FBRSL1: variants seen among roughly 807,000 people sequenced by gnomAD.
FBRSL1 encodes the protein fibrosin-1-like protein.
Under a neutral mutation model 89.6 loss-of-function variants are expected in FBRSL1, and 51 were observed. The ratio of observed to expected loss-of-function variants is 0.57; its 90% confidence interval spans 0.45 to 0.72. FBRSL1 has a LOEUF of 0.72. Ranked by LOEUF, FBRSL1 falls within the 30% of genes least tolerant of loss-of-function variation. The probability of loss-of-function intolerance (pLI) is 0.00; values close to 1 mark genes in which losing one functional copy is unlikely to be tolerated. For synonymous variants in FBRSL1, 779 were observed against 681.1 expected (o/e 1.14, Z -2.24); for missense variants, 1,618 against 1,451.8 (o/e 1.11, Z -1.86).
rs2030717417 is a variant in FBRSL1, at chr12:132,490,750, GCCCCGCACCGCGCGTC to G, written c.187_202del (p.Thr63AlafsTer35). 1.9e-6 allele frequency: 2 copies of G among 1,062,854 alleles called. No homozygotes were observed. Among genetic ancestry groups the G allele is most frequent in the Non-Finnish European group, 1.1e-6 (1 of 885,750 alleles). 65.8% of individuals were successfully genotyped at this position (1,062,854 alleles called of 1,614,324 possible). On this transcript the variant is annotated frameshift_variant, in exon 1 of 19. Transcript: ENST00000680143. ...CGCCCCCCCGAGGCGCCGCCCCCGC[GCCCCGCACCGCGCGTC>G]CCCCGCGCCGCCGCCGCCGCGAGTC... is the stretch of plus-strand genomic sequence containing the variant.
chr12:132,561,243 C>T (rs909858119), intron 5 of FBRSL1, among the ~76,000 whole-genome samples: 3 of 151,244 alleles, frequency 2.0e-5, no homozygotes, highest in African/African-American at 7.2e-5. Flanking sequence ...AGTGTAGGGC[C>T]CACTGTGGCG....
Position 132,582,259 on chromosome 12 carries a change from C to T in FBRSL1, c.2194C>T (p.Gln732Ter). The change falls in exon 18 of 19, where the codon CAG becomes TAG. Residue 732 changes from glutamine to a stop codon, truncating the protein, a stop_gained. Transcript: ENST00000680143. LOFTEE classifies it high-confidence loss of function. ...DREPDNGKEE[Q>*]ERDLLEKTRL... ...AGAGCCGGACAATGGCAAGGAGGAG[C>T]AGGAACGGTGAGTGGCCCTCTTGTT... The T allele has an allele frequency of 6.5e-7, 1 of 1,549,882 alleles. No individual in the cohort carries two copies. Among genetic ancestry groups the T allele is most frequent in the Non-Finnish European group, 8.7e-7 (1 of 1,146,722 alleles).
intron 5 of FBRSL1, chr12:132,551,459 G>A (rs1405524566): frequency 2.2e-6 from 1 of 456,322 alleles, no homozygotes; most frequent in Non-Finnish European, 4.4e-6. Flanking sequence ...AGGTGGCAGT[G>A]CACCCCGAGG....
chr12:132,492,469 G>A (rs2136300944), intron 1 of FBRSL1, among the ~76,000 whole-genome samples: 1 of 152,334 alleles, frequency 6.6e-6, no homozygotes, highest in South Asian at 2.1e-4. Flanking sequence ...GTGCTGTCCT[G>A]TGTGTCTCCT....
At chr12:132,517,137 T>C (rs1382756082) in intron 2 of FBRSL1, among the ~76,000 whole-genome samples, 1 of 152,216 alleles carries the variant, frequency 6.6e-6, no homozygotes, top group African/African-American at 2.4e-5. Context: ...ATCAGTGCCT[T>C]AGACACTGGG....
At chr12:132,540,453 A>C (rs2037164824) in intron 4 of FBRSL1, among the ~76,000 whole-genome samples, 1 of 147,012 alleles carries the variant, frequency 6.8e-6, no homozygotes, top group Admixed American at 6.8e-5. Flanking sequence ...CCACCTACCC[A>C]CCCTGGCCCG....
At chr12:132,533,756 G>C (rs935814543) in intron 4 of FBRSL1, among the ~76,000 whole-genome samples, 10 of 152,254 alleles carry the variant, frequency 6.6e-5, no homozygotes, top group Non-Finnish European at 1.3e-4. Flanking sequence ...TGGGCTCCAT[G>C]CCAGGCACTG....
intron 15 of FBRSL1, among the ~76,000 whole-genome samples, chr12:132,577,395 G>A (rs1332451653): frequency 1.3e-5 from 2 of 152,204 alleles, no homozygotes; most frequent in Non-Finnish European, 2.9e-5. Flanking sequence ...GAGGAGTTTG[G>A]CCTCTCGCTG....
At chr12:132,494,600 A>C (rs935768340) in intron 1 of FBRSL1, among the ~76,000 whole-genome samples, 2 of 152,262 alleles carry the variant, frequency 1.3e-5, no homozygotes, top group South Asian at 4.1e-4. Flanking sequence ...CACATTGGCC[A>C]CTAGCTCCAG....
intron 5 of FBRSL1, among the ~76,000 whole-genome samples, chr12:132,557,703 A>G (rs1448098068): frequency 1.3e-5 from 2 of 152,186 alleles, no homozygotes; most frequent in African/African-American, 4.8e-5. Flanking sequence ...CCGTAGCCCA[A>G]TTGGAGCTGG....
At chr12:132,568,934 C>T (rs1255519575) in intron 6 of FBRSL1, among the ~76,000 whole-genome samples, 1 of 152,088 alleles carries the variant, frequency 6.6e-6, no homozygotes, top group Non-Finnish European at 1.5e-5. Context: ...GCCCCATGGT[C>T]ACATGGGGCA....
intron 14 of FBRSL1, among the ~76,000 whole-genome samples, chr12:132,574,876 G>T (rs1170960768): frequency 6.6e-6 from 1 of 152,066 alleles, no homozygotes; most frequent in East Asian, 1.9e-4. Context: ...GGTGCCTCTG[G>T]GGTCCTCTGC....
In FBRSL1 at chr12:132,494,733, C is replaced by A. The variant is rs185350875; in HGVS notation, c.291+3872C>A. Among the ~76,000 whole-genome samples the A allele has an allele frequency of 1.4e-3, 209 of 152,356 alleles. 2 individuals carry two copies. The highest frequency in any genetic ancestry group is 0.012 in the South Asian group (59 of 4,832). On this transcript the variant is annotated intron_variant, in intron 1 of 18. Transcript: ENST00000680143. The stretch of plus-strand genomic sequence containing the variant: ...ACACGTCAAGCTCCATAAGAAGGTG[C>A]GTGCTGAAGCTTGAGCTGTTCCCTG...
Position 132,490,873 on chromosome 12 carries a change from G to C in FBRSL1, c.291+12G>C. The C allele has an allele frequency of 4.0e-6, 5 of 1,244,956 alleles. No individual in the cohort carries two copies. The highest frequency in any genetic ancestry group is 1.5e-5 in the South Asian group (1 of 65,390). The allele number at this position is 1,244,956 out of a possible 1,614,324, so 77.1% of individuals were successfully genotyped here. On this transcript the variant is annotated intron_variant, in intron 1 of 18. Transcript: ENST00000680143. ...TGGAGGCCCTGGAGGTAGGTGGACGGGTGCGGCTTCGCAGGCGTTGAGGCG... is the reference window on the plus strand; with the variant it reads ...TGGAGGCCCTGGAGGTAGGTGGACGCGTGCGGCTTCGCAGGCGTTGAGGCG...
chr12:132,552,544 C>T (rs1396313563), intron 5 of FBRSL1: 1 of 157,346 alleles, frequency 6.4e-6, no homozygotes. Flanking sequence ...GGGGCACTCA[C>T]CCCACGGGAC....
At chr12:132,565,959 G>A (rs2039583134) in intron 5 of FBRSL1, 1 of 152,206 alleles carries the variant, frequency 6.6e-6, no homozygotes, top group African/African-American at 2.4e-5. Context: ...TGATGATAAT[G>A]TTCTGTAATG....
chr12:132,500,996 G>A (rs540815176), intron 1 of FBRSL1, among the ~76,000 whole-genome samples: 190 of 152,338 alleles, frequency 1.2e-3, no homozygotes, highest in African/African-American at 4.2e-3. Flanking sequence ...GCGTGGCTGC[G>A]TGCCTCTCCC....
At chr12:132,514,325 G>T (rs1403962263) in intron 2 of FBRSL1, among the ~76,000 whole-genome samples, 1 of 152,174 alleles carries the variant, frequency 6.6e-6, no homozygotes, top group Non-Finnish European at 1.5e-5. Flanking sequence ...GGAGTCCTGG[G>T]GCCTCGGAGG....
intron 3 of FBRSL1, 65 bp downstream of exon 3, chr12:132,525,888 A>G (rs1005944598): frequency 1.4e-5 from 19 of 1,346,110 alleles, no homozygotes; most frequent in Non-Finnish European, 1.9e-5. Flanking sequence ...TGCGCCCCGC[A>G]CAAGGGCGTC....
Sources: allele counts gnomAD v4.1 joint callset (sites outside exome capture counted in the v4.1 genomes callset), GRCh38; gene constraint gnomAD v4.1.1; transcripts MANE v1.5; gene names NCBI Gene and HGNC (gene_info 2026-07-23, HGNC 2026-07-21).